The following MAK16 variants were observed in gnomAD, a reference collection of about 807,000 sequenced individuals.
MAK16 encodes protein MAK16 homolog.
MAK16 carries 12 observed loss-of-function variants against 49.9 expected under a neutral mutation model. The ratio of observed to expected loss-of-function variants is 0.24; its 90% CI spans 0.15 to 0.39. MAK16 has a LOEUF of 0.39. Ranked by LOEUF, MAK16 falls within the 10% of genes least tolerant of loss-of-function variation. The pLI is 1.00. For missense variants in MAK16, 292 were observed against 363.7 expected (o/e 0.80, Z 1.60); for synonymous variants, 115 against 126.4 (o/e 0.91, Z 0.60).
At chr8:33,496,815 C>T (rs2128824901) in intron 8 of MAK16, 74 bp downstream of exon 8, 2 of 1,133,616 alleles carry the variant, frequency 1.8e-6, no homozygotes, top group Non-Finnish European at 2.5e-6. Flanking sequence ...ATATCATCTT[C>T]AGTCCGCTAA....
chr8:33,486,935 T>C (rs1027740084), intron 1 of MAK16, among the ~76,000 whole-genome samples: 1 of 152,350 alleles, frequency 6.6e-6, no homozygotes, highest in Admixed American at 6.5e-5. Context: ...CATTTAGAGA[T>C]GATACTTAAA....
chr8:33,485,353 C>T, intron 1 of MAK16, 132 bp downstream of exon 1: 1 of 1,232,198 alleles, frequency 8.1e-7, no homozygotes, highest in Non-Finnish European at 1.2e-6. Flanking sequence ...TTCCGGAACC[C>T]CGATTTTCCA....
Position 33,500,415 on chromosome 8 carries a change from A to T in MAK16, c.*1786A>T, listed in dbSNP as rs766398137. ...GGGCGCTCTTAACAGACTCAGGTGT[A>T]AGGTTTGGATCCCTTGCTACATCAC... On this transcript the variant is annotated 3_prime_UTR_variant, in exon 10 of 10. Transcript: ENST00000360128. 1 of 1,614,140 alleles carries T rather than the reference A, an allele frequency of 6.2e-7. No homozygotes were observed. Among genetic ancestry groups the T allele is most frequent in the Non-Finnish European group, 8.5e-7 (1 of 1,180,014 alleles).
chr8:33,490,717 A>C (rs1182629426), intron 6 of MAK16, among the ~76,000 whole-genome samples: 1 of 152,240 alleles, frequency 6.6e-6, no homozygotes, highest in Non-Finnish European at 1.5e-5. Flanking sequence ...CAATACAGGC[A>C]TGCAGTGAGT....
chr8:33,494,876 T>TTCTCCTGCCTC (rs1374390424), intron 6 of MAK16, among the ~76,000 whole-genome samples: 27 of 152,234 alleles, frequency 1.8e-4, no homozygotes, highest in Non-Finnish European at 4.4e-5. Flanking sequence ...CCTCCTGGGT[T>TTCTCCTGCCTC]CACACCATTC....
Position 33,499,439 on chromosome 8 carries a change from A to T in MAK16, c.*810A>T. The T allele has an allele frequency of 1.7e-6, 1 of 598,188 alleles. No homozygotes were observed. Among genetic ancestry groups the T allele is most frequent in the South Asian group, 1.9e-5 (1 of 51,332 alleles). 37.1% of individuals were successfully genotyped at this position (598,188 alleles called of 1,614,324 possible). A position where few individuals can be genotyped will look rare whatever the true frequency, so the allele number is the denominator to read the frequency against. On this transcript the variant is annotated 3_prime_UTR_variant, in exon 10 of 10. Transcript: ENST00000360128. ...AATAGGTATTAGTTGGTTTTTTATT[A>T]TTTTTAAATTTATATAGCTCTCATG...
intron 8 of MAK16, 107 bp from the exon 9 acceptor site, chr8:33,497,125 C>T (rs117502261): frequency 0.01 from 7,965 of 791,510 alleles, 63 homozygotes; most frequent in Non-Finnish European, 0.012. Flanking sequence ...TTTTCATTGC[C>T]TAGTGAAAAG....
At position 33,498,096 on chromosome 8, in the gene MAK16, CAAAAAA is replaced by C. The variant is rs71209938; in HGVS notation, c.706-321_706-316del. On this transcript the variant is annotated intron_variant, in intron 9 of 9. Transcript: ENST00000360128. Reference sequence around the variant, plus strand: ...GGGCAACAGAGCGAGACTCCGTCTCCAAAAAAAAAAAAAAAAAAAATTAAAATTCAG... The same window carrying C: ...GGGCAACAGAGCGAGACTCCGTCTCCAAAAAAAAAAAAAATTAAAATTCAG... Among the ~76,000 whole-genome samples, 75 of 122,390 alleles carry C rather than the reference CAAAAAA, an allele frequency of 6.1e-4. 1 individual carries two copies. Among genetic ancestry groups the C allele is most frequent in the Admixed American group, 1.5e-3 (18 of 11,782 alleles). 80.3% of individuals were successfully genotyped at this position (122,390 alleles called of 152,430 possible). A position where few individuals can be genotyped will look rare whatever the true frequency, so the allele number is the denominator to read the frequency against.
intron 9 of MAK16, 58 bp downstream of exon 9, chr8:33,497,355 CA>C (rs1404200671): frequency 2.0e-5 from 8 of 396,714 alleles, no homozygotes; most frequent in Non-Finnish European, 3.1e-5. Context: ...AAAAAAAAAA[CA>C]AAAACAGGGA....
chr8:33,486,996 C>T (rs957192882), intron 1 of MAK16, among the ~76,000 whole-genome samples: 4 of 152,304 alleles, frequency 2.6e-5, no homozygotes, highest in Admixed American at 2.6e-4. Context: ...TTCCTACCAT[C>T]CCCCACCAGA....
intron 1 of MAK16, among the ~76,000 whole-genome samples, chr8:33,486,397 A>G (rs1368827332): frequency 6.6e-6 from 1 of 152,104 alleles, no homozygotes; most frequent in Non-Finnish European, 1.5e-5. Context: ...TACAAAAAAT[A>G]AAAAATTAGC....
rs1043047690 is a variant in MAK16 at position 33,489,200 on chromosome 8, T to G, written c.392+61T>G. The G allele has an allele frequency of 6.7e-7, 1 of 1,497,690 alleles. No individual in the cohort carries two copies. The highest frequency in any genetic ancestry group is 9.1e-7 in the Non-Finnish European group (1 of 1,096,090). The allele number at this position is 1,497,690 out of a possible 1,614,324, so 92.8% of individuals were successfully genotyped here. On this transcript the variant is annotated intron_variant, in intron 5 of 9. Coordinates refer to ENST00000360128, the MANE Select transcript of MAK16 (RefSeq NM_032509.4). This position sits in a 1 kb window ranked among gnomAD's most constrained non-coding sequence, Gnocchi z 4.2. Reference sequence around the variant, plus strand: ...TCTTTTTATGGAGCTTGTTTTGAAGTTGAGAAATTGTGAAACTTCGGGGCT... The same window carrying G: ...TCTTTTTATGGAGCTTGTTTTGAAGGTGAGAAATTGTGAAACTTCGGGGCT...
chr8:33,498,389 T>A (rs776509764), intron 9 of MAK16, 43 bp from the exon 10 acceptor site: 1 of 1,575,248 alleles, frequency 6.3e-7, no homozygotes, highest in Non-Finnish European at 8.7e-7. Context: ...TGGAGAAATC[T>A]AGTGTTTTCC....
intron 1 of MAK16, among the ~76,000 whole-genome samples, chr8:33,487,487 G>A (rs1040850731): frequency 2.0e-5 from 3 of 150,882 alleles, no homozygotes; most frequent in Non-Finnish European, 4.4e-5. Flanking sequence ...GTGCAGTGGC[G>A]TGATCTCGGC....
In MAK16 at chr8:33,489,061, T is replaced by C. The variant is rs1294079490; in HGVS notation, c.314T>C (p.Ile105Thr). The change falls in exon 5 of 10, where the codon ATT becomes ACT. Residue 105 changes from isoleucine (I) to threonine (T), a missense_variant. Ile to Thr is a moderately conservative substitution (Grantham distance 89). Coordinates refer to ENST00000360128, the MANE Select transcript of MAK16 (RefSeq NM_032509.4). The surrounding 1 kb of genome is among the most constrained non-coding windows in gnomAD (Gnocchi z 4.2). ...DENLIYWPRF[I>T]RHKCKQRFTK... ...AATCTGATTTACTGGCCCCGTTTCATTCGACACAAATGTAAGCAGAGATTC... is the reference window on the plus strand; with the variant it reads ...AATCTGATTTACTGGCCCCGTTTCACTCGACACAAATGTAAGCAGAGATTC... 4 of 1,614,156 alleles carry C rather than the reference T, an allele frequency of 2.5e-6. No homozygotes were observed. Among genetic ancestry groups the C allele is most frequent in the South Asian group, 2.2e-5 (2 of 91,086 alleles).
chr8:33,495,174 CGAAT>C (rs200107171), intron 6 of MAK16, among the ~76,000 whole-genome samples: 1,849 of 152,248 alleles, frequency 0.012, 44 homozygotes, highest in African/African-American at 0.042. Context: ...AAAATGTAAA[CGAAT>C]GAAGATTTCT....
intron 6 of MAK16, among the ~76,000 whole-genome samples, chr8:33,491,661 TCTCA>T (rs1808781642): frequency 7.5e-6 from 1 of 132,554 alleles, no homozygotes; most frequent in South Asian, 2.4e-4. Context: ...TGAGACAAGG[TCTCA>T]CTCTATTGTC....
chr8:33,485,250 CG>C (rs1563345079), intron 1 of MAK16, 29 bp downstream of exon 1: 1 of 1,614,144 alleles, frequency 6.2e-7, no homozygotes, highest in Non-Finnish European at 8.5e-7. Context: ...TTCTTACACC[CG>C]GGGTTTGCGC....
In MAK16 at chr8:33,500,360, G is replaced by A. The variant is rs778344343; in HGVS notation, c.*1731G>A. ...CGTCCTTGAGAACAGCGGTCCAGGA[G>A]AATCAGGCAGTCTGTGGCCTCCTGT... On this transcript the variant is annotated 3_prime_UTR_variant, in exon 10 of 10. Transcript: ENST00000360128. The A allele has an allele frequency of 6.2e-7, 1 of 1,614,162 alleles. No individual in the cohort carries two copies. The highest frequency in any genetic ancestry group is 8.5e-7 in the Non-Finnish European group (1 of 1,180,022).
Sources: gnomAD v4.1 joint callset for allele counts (sites outside exome capture counted in the v4.1 genomes callset) on GRCh38, gnomAD v4.1.1 for gene constraint, Gnocchi (gnomAD v3.1) non-coding constraint, MANE v1.5 for transcripts, NCBI Gene and HGNC (gene_info 2026-07-23, HGNC 2026-07-21) for gene names.